RIMS1: variants seen among roughly 807,000 people sequenced by gnomAD.
RIMS1 encodes regulating synaptic membrane exocytosis protein 1.
In RIMS1, 83 loss-of-function variants were observed where a neutral mutation model predicts 214.1. The ratio of observed to expected loss-of-function variants is 0.39; its 90% CI spans 0.32 to 0.47. RIMS1 has a LOEUF of 0.47. RIMS1 is among the 20% of genes least tolerant of loss of function. The probability of loss-of-function intolerance (pLI) is 0.99; values close to 1 mark genes in which losing one functional copy is unlikely to be tolerated. For synonymous variants in RIMS1, 793 were observed against 786.8 expected, an observed-to-expected ratio of 1.01 and a Z score of -0.13; for missense variants, 2,050 against 2,161.8, an observed-to-expected ratio of 0.95 and a Z score of 1.03.
chr6:72,364,184 A>T (rs1197356411), intron 29 of RIMS1, among the ~76,000 whole-genome samples: 1 of 151,930 alleles, frequency 6.6e-6, no homozygotes, highest in Non-Finnish European at 1.5e-5. Context: ...TGCCAGTGAC[A>T]TCACTTGTTT....
intron 6 of RIMS1, chr6:72,213,088 T>A (rs1024568026): frequency 6.5e-7 from 1 of 1,536,464 alleles, no homozygotes; most frequent in Non-Finnish European, 8.7e-7. Flanking sequence ...AAGGCTTAAA[T>A]CTCTCAAGCT....
intron 4 of RIMS1, among the ~76,000 whole-genome samples, chr6:72,117,247 G>T (rs1461987251): frequency 6.6e-6 from 1 of 152,016 alleles, no homozygotes; most frequent in Non-Finnish European, 1.5e-5. Flanking sequence ...ATGGATGGCA[G>T]GCAGGATTTG....
intron 2 of RIMS1, among the ~76,000 whole-genome samples, chr6:72,039,671 C>T (rs550446043): frequency 5.3e-5 from 8 of 152,044 alleles, no homozygotes; most frequent in Non-Finnish European, 1.0e-4. Flanking sequence ...TTTTTTGTAT[C>T]GGATATTCTA....
Position 72,159,819 on chromosome 6 carries a change from AG to A in RIMS1, c.472-19755del, listed in dbSNP as rs2045053846. On this transcript the variant is annotated intron_variant, in intron 4 of 33. Transcript: ENST00000521978. The stretch of plus-strand genomic sequence containing the variant: ...CTTGAAGTATAGTTTGAAGTCAGGT[AG>A]TGTGATGTCTCCAGCTTTGTTCTTT... Among the ~76,000 whole-genome samples, 2 of 139,926 alleles carry A rather than the reference AG, an allele frequency of 1.4e-5. 1 individual carries two copies. Among genetic ancestry groups the A allele is most frequent in the Non-Finnish European group, 3.2e-5 (2 of 61,650 alleles). 91.8% of individuals were successfully genotyped at this position (139,926 alleles called of 152,430 possible).
At chr6:72,062,263 G>A (rs1337377415) in intron 2 of RIMS1, among the ~76,000 whole-genome samples, 2 of 151,980 alleles carry the variant, frequency 1.3e-5, no homozygotes, top group African/African-American at 4.8e-5. Flanking sequence ...TTTCCAAATA[G>A]TAGTTCAACT....
At chr6:71,916,471 G>T (rs1778467830) in intron 1 of RIMS1, among the ~76,000 whole-genome samples, 1 of 152,032 alleles carries the variant, frequency 6.6e-6, no homozygotes, top group African/African-American at 2.4e-5. Flanking sequence ...TGTACTGCCT[G>T]CTCTCCTTCC....
At chr6:72,065,805 G>A (rs990467851) in intron 2 of RIMS1, among the ~76,000 whole-genome samples, 5 of 151,976 alleles carry the variant, frequency 3.3e-5, no homozygotes, top group Non-Finnish European at 5.9e-5. Context: ...ATTCAGGCTA[G>A]CTGAGTCAAG....
Position 72,316,449 on chromosome 6 carries a change from A to C in RIMS1, c.4130+2777A>C, listed in dbSNP as rs552367622. On this transcript the variant is annotated intron_variant, in intron 28 of 33. Transcript: ENST00000521978. The stretch of plus-strand genomic sequence containing the variant: ...AGCTGGCCACAACCACGCGTGGGGT[A>C]GTCCAATAAATACCGTGGATGCTCA... 4 of 317,300 alleles carry C rather than the reference A, an allele frequency of 1.3e-5. No homozygotes were observed. The East Asian group carries it at 3.0e-4, about 24-fold the overall frequency. 19.7% of individuals were successfully genotyped at this position (317,300 alleles called of 1,614,324 possible).
intron 6 of RIMS1, among the ~76,000 whole-genome samples, chr6:72,203,144 C>A (rs1232448833): frequency 6.6e-6 from 1 of 152,048 alleles, no homozygotes; most frequent in Non-Finnish European, 1.5e-5. Flanking sequence ...CCTGCCACCA[C>A]ATTTGGCTAA....
chr6:72,099,426 C>T (rs1235605610), intron 3 of RIMS1, among the ~76,000 whole-genome samples: 2 of 152,068 alleles, frequency 1.3e-5, no homozygotes, highest in Non-Finnish European at 2.9e-5. Flanking sequence ...TTTTCTATAA[C>T]AAACGTTGAA....
At chr6:72,036,493 A>G (rs1819654807) in intron 2 of RIMS1, among the ~76,000 whole-genome samples, 2 of 152,160 alleles carry the variant, frequency 1.3e-5, no homozygotes, top group Admixed American at 6.5e-5. Flanking sequence ...CCTGTACCCA[A>G]AGCTGCTGTT....
At chr6:72,122,084 A>C (rs1324676612) in intron 4 of RIMS1, among the ~76,000 whole-genome samples, 3 of 151,450 alleles carry the variant, frequency 2.0e-5, no homozygotes, top group African/African-American at 4.8e-5. Context: ...TTTCTTATAG[A>C]TGTTCATCAG....
intron 15 of RIMS1, among the ~76,000 whole-genome samples, chr6:72,252,520 T>G (rs186009152): frequency 2.0e-5 from 3 of 152,308 alleles, no homozygotes; most frequent in East Asian, 3.9e-4. Flanking sequence ...TCTGAAAATC[T>G]TATTCTGTGA....
chr6:71,903,351 T>A (rs539851223), intron 1 of RIMS1, among the ~76,000 whole-genome samples: 12 of 152,272 alleles, frequency 7.9e-5, no homozygotes, highest in African/African-American at 2.6e-4. Context: ...GTTCATGTCC[T>A]TTGCCCACTT....
chr6:72,394,864 G>T (rs1387834974), intron 31 of RIMS1, among the ~76,000 whole-genome samples: 1 of 151,868 alleles, frequency 6.6e-6, no homozygotes, highest in Non-Finnish European at 1.5e-5. Context: ...TGAGAAAATG[G>T]AAATGATTCA....
At chr6:72,331,354 A>G (rs1324651103) in intron 28 of RIMS1, among the ~76,000 whole-genome samples, 3 of 151,838 alleles carry the variant, frequency 2.0e-5, no homozygotes, top group Non-Finnish European at 4.4e-5. Flanking sequence ...TAAAGGTTAG[A>G]AAATCATCAG....
chr6:72,105,234 T>G (rs796197167), intron 4 of RIMS1, among the ~76,000 whole-genome samples: 15 of 152,244 alleles, frequency 9.9e-5, no homozygotes, highest in African/African-American at 3.6e-4. Flanking sequence ...ACAGCAGTCT[T>G]TTTATTCATT....
chr6:72,140,844 T>C (rs1385263078), intron 4 of RIMS1, among the ~76,000 whole-genome samples: 1 of 152,096 alleles, frequency 6.6e-6, no homozygotes, highest in African/African-American at 2.4e-5. Flanking sequence ...GTTTTCCTGT[T>C]GTCATATAGA....
chr6:72,270,136 A>G (rs1234816538), intron 22 of RIMS1, among the ~76,000 whole-genome samples: 1 of 152,238 alleles, frequency 6.6e-6, no homozygotes, highest in Non-Finnish European at 1.5e-5. Flanking sequence ...AGAAACACAC[A>G]CACTAGCCTT....
Sources: gnomAD v4.1 joint callset for allele counts (sites outside exome capture counted in the v4.1 genomes callset) on GRCh38, gnomAD v4.1.1 for gene constraint, MANE v1.5 for transcripts, NCBI Gene and HGNC (gene_info 2026-07-23, HGNC 2026-07-21) for gene names.